The following SAG variants were observed in gnomAD, a reference collection of about 807,000 sequenced individuals.
SAG encodes S-arrestin.
SAG carries 45 observed loss-of-function variants against 55.0 expected under a neutral mutation model. The observed-to-expected ratio is 0.82, with a 90% CI of 0.64 to 1.05. The LOEUF (loss-of-function observed/expected upper bound fraction) is 1.05, where lower values mean the gene tolerates loss of function less well. SAG is among the 50% of genes least tolerant of loss of function. SAG has a pLI of 0.00. For synonymous variants in SAG, 189 were observed against 197.4 expected (o/e 0.96, Z 0.36); for missense variants, 455 against 512.1 (o/e 0.89, Z 1.08).
chr2:233,320,254 G>C (rs994729964), intron 4 of SAG, among the ~76,000 whole-genome samples: 1 of 152,060 alleles, frequency 6.6e-6, no homozygotes, highest in Non-Finnish European at 1.5e-5. Context: ...TCCTTCATTC[G>C]TCCAGACATC....
chr2:233,328,720 G>A (rs1031155764), intron 8 of SAG, 107 bp downstream of exon 8: 52 of 1,263,120 alleles, frequency 4.1e-5, no homozygotes, highest in Non-Finnish European at 5.1e-5. Context: ...TGCCTTGCAA[G>A]GAAGCTTGTT....
rs1435930227 is a variant in SAG, at chr2:233,340,556, CTGA to C, written c.1046+82_1046+84del. The C allele has an allele frequency of 2.7e-6, 3 of 1,092,002 alleles. No homozygotes were observed. 67.6% of individuals were successfully genotyped at this position (1,092,002 alleles called of 1,614,324 possible). ...CAAACTTGGGGCTCCAAAACGGTTT[CTGA>C]TGAAAGCTGCTTTCTGGACAGTTGT... On this transcript the variant is annotated intron_variant, in intron 13 of 15. Coordinates refer to ENST00000409110, the MANE Select transcript of SAG (RefSeq NM_000541.5). The surrounding 1 kb of genome is among the most constrained non-coding windows in gnomAD (Gnocchi z 4.2).
At chr2:233,325,712 AAGC>A (rs1317637286) in intron 6 of SAG, among the ~76,000 whole-genome samples, 1 of 152,186 alleles carries the variant, frequency 6.6e-6, no homozygotes, top group Admixed American at 6.5e-5. Context: ...AGGCCCAACA[AAGC>A]ACCACCTATT....
intron 6 of SAG, among the ~76,000 whole-genome samples, chr2:233,323,438 A>G (rs1700448044): frequency 6.6e-6 from 1 of 151,642 alleles, no homozygotes; most frequent in Non-Finnish European, 1.5e-5. Flanking sequence ...ATCTCGGCTC[A>G]CCACAACCTC....
At chr2:233,323,872 A>G (rs2125331577) in intron 6 of SAG, among the ~76,000 whole-genome samples, 1 of 152,278 alleles carries the variant, frequency 6.6e-6, no homozygotes, top group South Asian at 2.1e-4. Context: ...ATAACAAGGA[A>G]CTACACGGCA....
intron 13 of SAG, among the ~76,000 whole-genome samples, chr2:233,341,205 A>G (rs1358300944): frequency 6.6e-6 from 1 of 152,112 alleles, no homozygotes; most frequent in African/African-American, 2.4e-5. Flanking sequence ...GTGCAGTGGC[A>G]TGATCTTGGC....
Position 233,346,871 on chromosome 2 carries a change from G to A in SAG, c.1177G>A (p.Ala393Thr), listed in dbSNP as rs544647850. ...ARHNLKDAGE[A>T]EEGKRDKNDV... Reference sequence around the variant, plus strand: ...CCATAATCTGAAAGATGCAGGAGAAGCTGAGGAGGGGAAGAGAGACAAGAA... The same window carrying A: ...CCATAATCTGAAAGATGCAGGAGAAACTGAGGAGGGGAAGAGAGACAAGAA... The change falls in exon 16 of 16, where the codon GCT (alanine) becomes ACT (threonine). Residue 393 changes from alanine (A) to threonine (T), a missense_variant. Transcript: ENST00000409110. 1 of 1,612,826 alleles carries A rather than the reference G, an allele frequency of 6.2e-7. No homozygotes were observed. Among genetic ancestry groups the A allele is most frequent in the Non-Finnish European group, 8.5e-7 (1 of 1,179,140 alleles).
At chr2:233,342,352 C>G in intron 14 of SAG, 26 bp downstream of exon 14, 1 of 1,561,182 alleles carries the variant, frequency 6.4e-7, no homozygotes, top group Non-Finnish European at 8.8e-7. Context: ...TTTTAGCTTT[C>G]TTTAATTATT....
chr2:233,317,992 G>A (rs1020468763), intron 3 of SAG, among the ~76,000 whole-genome samples: 1 of 152,124 alleles, frequency 6.6e-6, no homozygotes, highest in South Asian at 2.1e-4. Context: ...TTTGTCGGGG[G>A]TGTGGGACAG....
chr2:233,342,201 T>C (rs1701126287), intron 13 of SAG, 70 bp from the exon 14 acceptor site: 1 of 1,160,116 alleles, frequency 8.6e-7, no homozygotes, highest in African/African-American at 1.5e-5. Context: ...TCCGCAGCCA[T>C]AGGTCTTTGC....
chr2:233,323,574 G>T (rs375043595), intron 6 of SAG, among the ~76,000 whole-genome samples: 2 of 151,948 alleles, frequency 1.3e-5, no homozygotes, highest in South Asian at 4.2e-4. Flanking sequence ...CATTGGTCAG[G>T]CTGGTCTCGA....
At chr2:233,337,527 C>T (rs1403752832) in intron 11 of SAG, among the ~76,000 whole-genome samples, 1 of 152,188 alleles carries the variant, frequency 6.6e-6, no homozygotes, top group African/African-American at 2.4e-5. Context: ...GTGTGAGCCA[C>T]GACGTCTGGC....
At chr2:233,318,286 T>C (rs1700270621) in intron 3 of SAG, among the ~76,000 whole-genome samples, 1 of 152,200 alleles carries the variant, frequency 6.6e-6, no homozygotes, top group African/African-American at 2.4e-5. Context: ...TGCCTCAGCC[T>C]CCTGAGTAGT....
chr2:233,317,743 T>A (rs1700250054), intron 3 of SAG, among the ~76,000 whole-genome samples: 1 of 152,204 alleles, frequency 6.6e-6, no homozygotes. Context: ...TTATGGTACA[T>A]CCATTCAATG....
intron 1 of SAG, 197 bp from the exon 2 acceptor site, chr2:233,308,965 A>G: frequency 2.3e-6 from 1 of 442,676 alleles, no homozygotes; most frequent in South Asian, 3.7e-5. Flanking sequence ...TATTGAAAAC[A>G]CCCCAAAGCA....
intron 5 of SAG, among the ~76,000 whole-genome samples, chr2:233,321,800 C>G (rs965543081): frequency 6.6e-6 from 1 of 152,078 alleles, no homozygotes; most frequent in East Asian, 1.9e-4. Flanking sequence ...TTTACAAAAT[C>G]ACATTTACAA....
chr2:233,342,497 G>C, intron 14 of SAG, 171 bp downstream of exon 14: 1 of 647,746 alleles, frequency 1.5e-6, no homozygotes, highest in Non-Finnish European at 2.8e-6. Flanking sequence ...GGGCCCATCT[G>C]TTCAGCGCTG....
At chr2:233,317,319 C>A (rs1333421593) in intron 3 of SAG, among the ~76,000 whole-genome samples, 1 of 152,192 alleles carries the variant, frequency 6.6e-6, no homozygotes, top group Non-Finnish European at 1.5e-5. Flanking sequence ...CGGAAAGAAC[C>A]AAAATGTTTC....
At chr2:233,325,599 A>G (rs557589578) in intron 6 of SAG, among the ~76,000 whole-genome samples, 1 of 152,294 alleles carries the variant, frequency 6.6e-6, no homozygotes, top group East Asian at 1.9e-4. Flanking sequence ...GGCACAGAAC[A>G]ATGGGGAATG....
Sources: gnomAD v4.1 joint callset for allele counts (sites outside exome capture counted in the v4.1 genomes callset) on GRCh38, gnomAD v4.1.1 for gene constraint, Gnocchi (gnomAD v3.1) non-coding constraint, MANE v1.5 for transcripts, NCBI Gene and HGNC (gene_info 2026-07-23, HGNC 2026-07-21) for gene names.